The following TENM4 variants were observed in gnomAD, a reference collection of about 807,000 sequenced individuals.
TENM4 encodes the protein teneurin transmembrane protein 4.
A neutral mutation model predicts 243.3 loss-of-function variants in TENM4; 82 were observed. That is an observed-to-expected ratio of 0.34 (90% CI 0.28 to 0.40). TENM4 has a LOEUF of 0.40. Among genes scored for constraint, TENM4 ranks in the 10% least tolerant of loss-of-function variants. The pLI, the probability that TENM4 is intolerant of heterozygous loss-of-function variation, is 1.00. For missense variants in TENM4, 3,138 were observed against 3,673.3 expected, an observed-to-expected ratio of 0.85 and a Z score of 3.77; for synonymous variants, 1,412 against 1,456.3, an observed-to-expected ratio of 0.97 and a Z score of 0.69.
intron 3 of TENM4, among the ~76,000 whole-genome samples, chr11:79,196,351 T>G (rs11237758): frequency 0.012 from 1,791 of 151,856 alleles, 37 homozygotes; most frequent in African/African-American, 0.041. Context: ...CTGAGCCTGT[T>G]TCTTCACCTT....
chr11:78,990,117 G>A (rs1000872144), intron 6 of TENM4, among the ~76,000 whole-genome samples: 2 of 151,648 alleles, frequency 1.3e-5, no homozygotes, highest in Non-Finnish European at 2.9e-5. Context: ...TGGGTCCCAG[G>A]GTCACTTTAG....
At chr11:79,120,386 G>C (rs1323220674) in intron 4 of TENM4, among the ~76,000 whole-genome samples, 1 of 152,204 alleles carries the variant, frequency 6.6e-6, no homozygotes, top group East Asian at 1.9e-4. Flanking sequence ...CCACCCATCT[G>C]TCTGTCTGTC....
At chr11:78,865,864 C>T (rs1314624161) in intron 9 of TENM4, among the ~76,000 whole-genome samples, 1 of 152,250 alleles carries the variant, frequency 6.6e-6, no homozygotes, top group Non-Finnish European at 1.5e-5. Flanking sequence ...TTCTTCTCAT[C>T]TGAGCAATGA....
intron 1 of TENM4, among the ~76,000 whole-genome samples, chr11:79,320,672 A>C (rs1482726572): frequency 1.3e-5 from 2 of 152,194 alleles, no homozygotes; most frequent in African/African-American, 4.8e-5. Context: ...CTCTGTCTAC[A>C]TAAAAGGGGA....
At chr11:79,066,749 CGCACGCACAA>C (rs1860269563) in intron 5 of TENM4, among the ~76,000 whole-genome samples, 1 of 151,904 alleles carries the variant, frequency 6.6e-6, no homozygotes, top group African/African-American at 2.4e-5. Context: ...CATGCACACA[CGCACGCACAA>C]GCACGCACAC....
intron 6 of TENM4, among the ~76,000 whole-genome samples, chr11:79,017,491 T>C (rs1277638342): frequency 6.6e-6 from 1 of 151,900 alleles, no homozygotes; most frequent in African/African-American, 2.4e-5. Flanking sequence ...GGCAAAAATA[T>C]AGACTTCTAT....
At chr11:78,738,670 C>T (rs1006067098) in intron 19 of TENM4, 100 bp from the exon 20 acceptor site, 1 of 1,258,854 alleles carries the variant, frequency 7.9e-7, no homozygotes, top group Non-Finnish European at 1.1e-6. Flanking sequence ...AAATCAGTCA[C>T]TCAGACACAT....
intron 12 of TENM4, among the ~76,000 whole-genome samples, chr11:78,833,940 T>A (rs2136153724): frequency 6.6e-6 from 1 of 152,338 alleles, no homozygotes; most frequent in Admixed American, 6.5e-5. Context: ...ATGTAATCTC[T>A]TCCCTTTCTG....
chr11:79,184,728 G>A (rs901352489), intron 3 of TENM4, among the ~76,000 whole-genome samples: 1 of 152,206 alleles, frequency 6.6e-6, no homozygotes, highest in East Asian at 1.9e-4. Flanking sequence ...GAAGGCAGCA[G>A]GGAAAGTTAT....
At chr11:78,786,812 G>GGGCCCAGGCT in intron 16 of TENM4, 86 bp downstream of exon 16, 1 of 1,526,438 alleles carries the variant, frequency 6.6e-7, no homozygotes, top group Non-Finnish European at 8.8e-7. Flanking sequence ...CATGCGATGA[G>GGGCCCAGGCT]GGCCCAGGCT....
intron 4 of TENM4, among the ~76,000 whole-genome samples, chr11:79,128,827 G>T (rs1861935271): frequency 6.6e-6 from 1 of 152,200 alleles, no homozygotes; most frequent in Non-Finnish European, 1.5e-5. Context: ...TGGTCTGGCT[G>T]GATGGTCAGG....
At chr11:78,921,445 T>C (rs1272029656) in intron 6 of TENM4, among the ~76,000 whole-genome samples, 8 of 152,244 alleles carry the variant, frequency 5.3e-5, no homozygotes, top group African/African-American at 1.9e-4. Flanking sequence ...GGAATATTTC[T>C]AGATGTCGAA....
intron 2 of TENM4, among the ~76,000 whole-genome samples, chr11:79,252,669 C>A (rs1319245680): frequency 2.6e-5 from 4 of 152,190 alleles, no homozygotes; most frequent in Non-Finnish European, 5.9e-5. Context: ...TTGCCCTGGA[C>A]TTTTCAGTAC....
chr11:79,201,039 A>G (rs1863727528), intron 3 of TENM4, among the ~76,000 whole-genome samples: 3 of 152,196 alleles, frequency 2.0e-5, no homozygotes, highest in African/African-American at 7.2e-5. Context: ...CTGCAGGAAG[A>G]ATCTTTTGTT....
At chr11:78,721,411 C>A (rs923553328) in intron 24 of TENM4, among the ~76,000 whole-genome samples, 2 of 152,198 alleles carry the variant, frequency 1.3e-5, no homozygotes, top group Non-Finnish European at 2.9e-5. Context: ...TTCACGCGTG[C>A]GCCTTAGAGT....
intron 4 of TENM4, among the ~76,000 whole-genome samples, chr11:79,139,018 ATAAATATATATTATATTTC>A (rs1565220036): frequency 3.7e-5 from 2 of 54,420 alleles, no homozygotes; most frequent in East Asian, 3.2e-4. Context: ...TTATATTTCT[ATAAATATATATTATATTTC>A]TATAAATATA....
Position 78,812,217 on chromosome 11 carries a change from T to C in TENM4, c.1883A>G (p.Asn628Ser). ...GCTGCAGGCCACATCGATACACTGG[T>C]TGGTGGGCACATCGCACTCAGCGCC... ...WKGAECDVPT[N>S]QCIDVACSNH... The change falls in exon 14 of 34, where the codon AAC becomes AGC. Residue 628 changes from asparagine to serine, a missense_variant. Around this residue, in one of 2 missense-constraint regions of TENM4, gnomAD observed 2,467 missense variants for 3,059.1 expected, o/e 0.81. Transcript: ENST00000278550. The C allele has an allele frequency of 6.4e-7, 1 of 1,551,902 alleles. No homozygotes were observed. The highest frequency in any genetic ancestry group is 1.4e-5 in the African/African-American group (1 of 73,166).
chr11:78,880,457 T>TAAAAAAAAAAAAAAA lies in TENM4; in HGVS notation c.1084+9313_1084+9327dup, dbSNP rs71763484. ...ACACCCAAGAATGATCAATAAATAC[T>TAAAAAAAAAAAAAAA]AAAAAAAAAAAAAAAAAAAAAAAAA... On this transcript the variant is annotated intron_variant, in intron 9 of 33. Transcript: ENST00000278550. Among the ~76,000 whole-genome samples, 5 of 104,644 alleles carry TAAAAAAAAAAAAAAA rather than the reference T, an allele frequency of 4.8e-5. 1 individual carries two copies. Among genetic ancestry groups the TAAAAAAAAAAAAAAA allele is most frequent in the African/African-American group, 3.4e-4 (5 of 14,700 alleles). 68.7% of individuals were successfully genotyped at this position (104,644 alleles called of 152,430 possible). A position where few individuals can be genotyped will look rare whatever the true frequency, so the allele number is the denominator to read the frequency against.
chr11:78,657,564 T>G lies in TENM4; in HGVS notation c.*494A>C. ...AGCCCTGCCAAGGAGCCTCAGGTCCTACAGACCCTCCTCCCAGGCCCCCTT... is the reference window on the plus strand; with the variant it reads ...AGCCCTGCCAAGGAGCCTCAGGTCCGACAGACCCTCCTCCCAGGCCCCCTT... On this transcript the variant is annotated 3_prime_UTR_variant, in exon 34 of 34. Transcript: ENST00000278550. 3.7e-6 allele frequency: 1 copy of G among 269,684 alleles called. No homozygotes were observed. The highest frequency in any genetic ancestry group is 7.0e-6 in the Non-Finnish European group (1 of 143,476). 16.7% of individuals were successfully genotyped at this position (269,684 alleles called of 1,614,324 possible). A position where few individuals can be genotyped will look rare whatever the true frequency, so the allele number is the denominator to read the frequency against.
Sources: allele counts gnomAD v4.1 joint callset (sites outside exome capture counted in the v4.1 genomes callset), GRCh38; gene constraint gnomAD v4.1.1; regional missense constraint gnomAD v4.1.1; transcripts MANE v1.5; gene names NCBI Gene and HGNC (gene_info 2026-07-23, HGNC 2026-07-21).